The following MAP4 variants were observed in gnomAD, a reference collection of about 807,000 sequenced individuals.
MAP4 encodes microtubule associated protein 4.
In MAP4, 76 loss-of-function variants were observed where a neutral mutation model predicts 170.2. That is an observed-to-expected ratio of 0.45 (90% confidence interval 0.37 to 0.54). The LOEUF is 0.54. Among genes scored for constraint, MAP4 ranks in the 20% least tolerant of loss-of-function variants. The pLI, the probability that MAP4 is intolerant of heterozygous loss-of-function variation, is 0.00. For synonymous variants in MAP4, 909 were observed against 994.5 expected, an observed-to-expected ratio of 0.91 and a Z score of 1.62; for missense variants, 2,506 against 2,748.0, an observed-to-expected ratio of 0.91 and a Z score of 1.97.
intron 3 of MAP4, among the ~76,000 whole-genome samples, chr3:47,938,434 C>T (rs775265232): frequency 6.6e-6 from 1 of 152,158 alleles, no homozygotes; most frequent in African/African-American, 2.4e-5. Flanking sequence ...GGTATAGTGG[C>T]GCAATCACAG....
At chr3:48,043,774 A>C (rs565231907) in intron 1 of MAP4, among the ~76,000 whole-genome samples, 1 of 152,134 alleles carries the variant, frequency 6.6e-6, no homozygotes, top group African/African-American at 2.4e-5. Flanking sequence ...AAACCGTAAA[A>C]GTAAGAATGC....
At position 47,909,512 on chromosome 3, in the gene MAP4, C is replaced by G; in HGVS notation, c.4909G>C (p.Glu1637Gln). ...EDKAQKLSFC[E>Q]DQNAQDRNSK... Reference sequence around the variant, plus strand: ...TTTCTATCTTGAGCATTTTGGTCCTCACAAAAACTGAGCTTTTGTGCTTTG... The same window carrying G: ...TTTCTATCTTGAGCATTTTGGTCCTGACAAAAACTGAGCTTTTGTGCTTTG... The change falls in exon 9 of 21, where the codon GAG becomes CAG. Residue 1637 changes from glutamate to glutamine, a missense_variant. Physicochemically the swap from Glu to Gln is conservative, Grantham distance 29. Transcript: ENST00000683076. 1 of 1,613,384 alleles carries G rather than the reference C, an allele frequency of 6.2e-7. No homozygotes were observed. Among genetic ancestry groups the G allele is most frequent in the Non-Finnish European group, 8.5e-7 (1 of 1,179,888 alleles).
intron 1 of MAP4, among the ~76,000 whole-genome samples, chr3:48,032,801 G>C (rs561575755): frequency 1.3e-5 from 2 of 152,156 alleles, no homozygotes; most frequent in Non-Finnish European, 2.9e-5. Flanking sequence ...ACAAAAGTGT[G>C]TATATCAATT....
chr3:48,054,912 C>T (rs1331736859), intron 1 of MAP4, among the ~76,000 whole-genome samples: 2 of 152,112 alleles, frequency 1.3e-5, no homozygotes, highest in East Asian at 3.9e-4. Flanking sequence ...TAGACAATAA[C>T]CAATCTACCC....
intron 10 of MAP4, among the ~76,000 whole-genome samples, chr3:47,894,248 G>A (rs1266785921): frequency 2.6e-5 from 4 of 152,182 alleles, no homozygotes; most frequent in African/African-American, 9.7e-5. Flanking sequence ...ATAACAAAAT[G>A]AAGAATGCCA....
chr3:48,022,629 G>A lies in MAP4; in HGVS notation c.-19-23750C>T, dbSNP rs191186957. ...TTATTGGCTGGGCGTGGTGGCTCAT[G>A]CCTGTAATCCCAGCACTTTGCGAGG... On this transcript the variant is annotated intron_variant, in intron 1 of 18. Transcript: ENST00000360240. 4.2e-3 allele frequency among the ~76,000 whole-genome samples: 644 copies of A among 152,274 alleles called. 5 individuals are homozygous for A. Among genetic ancestry groups the A allele is most frequent in the Non-Finnish European group, 6.9e-3 (467 of 68,018 alleles).
intron 4 of MAP4, among the ~76,000 whole-genome samples, chr3:47,926,842 T>C (rs1172645779): frequency 6.6e-6 from 1 of 152,166 alleles, no homozygotes; most frequent in Non-Finnish European, 1.5e-5. Context: ...GGCCGAACTA[T>C]ATACTTTAAA....
At chr3:48,082,209 A>G (rs1187558362) in intron 1 of MAP4, among the ~76,000 whole-genome samples, 1 of 152,240 alleles carries the variant, frequency 6.6e-6, no homozygotes, top group Non-Finnish European at 1.5e-5. Context: ...AGAATAATAT[A>G]ATCAACGCTG....
intron 1 of MAP4, among the ~76,000 whole-genome samples, chr3:48,003,946 C>T (rs1416695722): frequency 2.6e-5 from 4 of 152,178 alleles, no homozygotes; most frequent in African/African-American, 2.4e-5. Context: ...TTTCTGCCCT[C>T]GAACATCGGA....
At chr3:48,067,713 C>G (rs1456716192) in intron 1 of MAP4, among the ~76,000 whole-genome samples, 1 of 151,202 alleles carries the variant, frequency 6.6e-6, no homozygotes, top group African/African-American at 2.4e-5. Flanking sequence ...AATCTCGGCT[C>G]ACTGCAACCT....
upstream of MAP4, among the ~76,000 whole-genome samples, chr3:48,018,836 T>C (rs1047819985): frequency 6.6e-6 from 1 of 152,024 alleles, no homozygotes; most frequent in Non-Finnish European, 1.5e-5. Context: ...TATTCACCTA[T>C]TTTCTTCCAC....
rs147342509 is a variant in MAP4, at chr3:47,958,358, T to C, written c.292+19507A>G. 3.9e-5 allele frequency among the ~76,000 whole-genome samples: 6 copies of C among 152,290 alleles called. 1 individual carries two copies. The highest frequency in any genetic ancestry group is 1.4e-4 in the African/African-American group (6 of 41,558). On this transcript the variant is annotated intron_variant, in intron 3 of 20. Coordinates refer to ENST00000683076, the MANE Select transcript of MAP4 (RefSeq NM_001385682.1). ...TGCTGAAGGCAAGGGAAACATGAAA[T>C]AGGTAACTGAAGAAAGAAGCCTAGA...
chr3:47,984,728 G>A (rs947015895), intron 2 of MAP4, among the ~76,000 whole-genome samples: 18 of 151,612 alleles, frequency 1.2e-4, no homozygotes, highest in African/African-American at 4.1e-4. Flanking sequence ...CAGCACTTTG[G>A]GAGACCGAGG....
chr3:47,928,410 G>C, intron 3 of MAP4, 60 bp from the exon 4 acceptor site: 1 of 1,543,094 alleles, frequency 6.5e-7, no homozygotes, highest in Non-Finnish European at 8.9e-7. Context: ...CTCCACTACA[G>C]TGGAATTTCT....
intron 2 of MAP4, among the ~76,000 whole-genome samples, chr3:47,991,513 A>C (rs756652840): frequency 1.3e-5 from 2 of 152,114 alleles, no homozygotes; most frequent in East Asian, 1.9e-4. Flanking sequence ...TATAAAAATA[A>C]AAGGATAAGC....
chr3:47,861,642 C>G (rs1469633511), intron 17 of MAP4, among the ~76,000 whole-genome samples: 1 of 151,680 alleles, frequency 6.6e-6, no homozygotes, highest in Non-Finnish European at 1.5e-5. Flanking sequence ...TGAGCCACCA[C>G]GCCCAGCCAA....
At chr3:48,033,799 C>T (rs2100117400) in intron 1 of MAP4, among the ~76,000 whole-genome samples, 1 of 152,048 alleles carries the variant, frequency 6.6e-6, no homozygotes, top group Admixed American at 6.6e-5. Flanking sequence ...CGGATTTTTT[C>T]ACTATGTTGG....
Position 47,910,675 on chromosome 3 carries a change from T to C in MAP4, c.3746A>G (p.Asp1249Gly), listed in dbSNP as rs926387987. ...GCTTTTATGGGGAATACTACCAGTA[T>C]CTCCATCCTTCCCTTCAAAAGGTGG... ...LNPPFEGKDGDTGSIPHKSKE... is the reference protein window; with the variant it reads ...LNPPFEGKDGGTGSIPHKSKE... Residue 1249 changes from aspartate to glycine, a missense_variant, in exon 9 of 21, where the codon GAT (aspartate) becomes GGT (glycine). By Grantham distance (94) the Asp-to-Gly change is moderately conservative. Around this residue, in one of 3 missense-constraint regions of MAP4, gnomAD observed 2,008 missense variants for 2,206.0 expected, o/e 0.91. Transcript: ENST00000683076. 8 of 1,536,002 alleles carry C rather than the reference T, an allele frequency of 5.2e-6. No homozygotes were observed. In the African/African-American group the frequency reaches 5.5e-5, roughly 11 times the overall value.
At chr3:48,081,941 G>A (rs187327571) in intron 1 of MAP4, among the ~76,000 whole-genome samples, 1 of 152,138 alleles carries the variant, frequency 6.6e-6, no homozygotes, top group Admixed American at 6.6e-5. Context: ...ACAGTGCCAG[G>A]AAGTACAAAA....
Sources: allele counts gnomAD v4.1 joint callset (sites outside exome capture counted in the v4.1 genomes callset), GRCh38; gene constraint gnomAD v4.1.1; regional missense constraint gnomAD v4.1.1; transcripts MANE v1.5; gene names NCBI Gene and HGNC (gene_info 2026-07-23, HGNC 2026-07-21).